ZNF350: variants seen among roughly 807,000 people sequenced by gnomAD.
The protein encoded by ZNF350 is KRAB zinc finger protein ZFQR.
Under a neutral mutation model 13.1 loss-of-function variants are expected in ZNF350, and 5 were observed. The observed-to-expected ratio is 0.38, with a 90% CI of 0.20 to 0.80. ZNF350 has a LOEUF of 0.80. Ranked by LOEUF, ZNF350 falls within the 30% of genes least tolerant of loss-of-function variation. ZNF350 has a pLI of 0.43. For missense variants in ZNF350, 534 were observed against 644.2 expected, an observed-to-expected ratio of 0.83 and a Z score of 1.85; for synonymous variants, 199 against 224.2, an observed-to-expected ratio of 0.89 and a Z score of 1.00.
chr19:51,974,702 C>T (rs1269529302), intron 1 of ZNF350, 171 bp from the exon 2 acceptor site: 1 of 199,802 alleles, frequency 5.0e-6, no homozygotes, highest in Non-Finnish European at 1.0e-5. Context: ...GTCTAGGATT[C>T]TTAATGTGGT....
In ZNF350 at chr19:51,969,825, T is replaced by G. The variant is rs139523330; in HGVS notation, c.16-694A>C. ...GCCTAAGCAACAGAGCAAGACTGTCTCTAATAAAATAAAATAAAATGGAAT... is the reference window on the plus strand; with the variant it reads ...GCCTAAGCAACAGAGCAAGACTGTCGCTAATAAAATAAAATAAAATGGAAT... On this transcript the variant is annotated intron_variant, in intron 2 of 4. Coordinates refer to ENST00000243644, the MANE Select transcript of ZNF350 (RefSeq NM_021632.4). Among the ~76,000 whole-genome samples, 232 of 152,260 alleles carry G rather than the reference T, an allele frequency of 1.5e-3. 2 individuals are homozygous for G. Among genetic ancestry groups the G allele is most frequent in the African/African-American group, 5.4e-3 (223 of 41,550 alleles).
rs753876989 is a variant in ZNF350, at chr19:51,965,942, G to A, written c.511C>T (p.Arg171Ter). ...GDSFLHANHERLHTAIKFPAS... is the reference protein window; with the variant it reads ...GDSFLHANHE Reference sequence around the variant, plus strand: ...GGGAATTTAATTGCAGTATGAAGTCGTTCATGGTTAGCATGAAGAAAGGAG... The same window carrying A: ...GGGAATTTAATTGCAGTATGAAGTCATTCATGGTTAGCATGAAGAAAGGAG... The change falls in exon 5 of 5, where the codon CGA becomes TGA. Residue 171 changes from arginine (R) to a stop codon, truncating the protein, a stop_gained. Transcript: ENST00000243644. LOFTEE classifies it low-confidence loss of function (END_TRUNC). 1.3e-5 allele frequency: 21 copies of A among 1,613,900 alleles called. No homozygotes were observed. The highest frequency in any genetic ancestry group is 8.0e-5 in the African/African-American group (6 of 74,924).
At chr19:51,980,696 A>G (rs1157745189) in intron 1 of ZNF350, among the ~76,000 whole-genome samples, 1 of 152,200 alleles carries the variant, frequency 6.6e-6, no homozygotes, top group East Asian at 1.9e-4. Context: ...GTGAAAGCCC[A>G]TTTGCAAGGA....
In ZNF350 at chr19:51,968,923, G is replaced by A. The variant is rs188830731; in HGVS notation, c.142+82C>T. ...GAATCTACCACTTCAGAGTACTGCA[G>A]GCATTCCAAAGAGGTAGGCATCTGA... On this transcript the variant is annotated intron_variant, in intron 3 of 4. Transcript: ENST00000243644. 18 of 1,612,398 alleles carry A rather than the reference G, an allele frequency of 1.1e-5. No homozygotes were observed. In the East Asian group the frequency reaches 2.0e-4, roughly 18 times the overall value.
Position 51,969,103 on chromosome 19 carries a change from A to G in ZNF350, c.44T>C (p.Val15Ala). The G allele has an allele frequency of 6.2e-7, 1 of 1,613,722 alleles. No individual in the cohort carries two copies. The highest frequency in any genetic ancestry group is 8.5e-7 in the Non-Finnish European group (1 of 1,179,922). ...TTGCCACTCCTCCCAAGTGAAGTCC[A>G]CAGCCACATCCTCCAGTGTTATGGA... ...QESITLEDVAVDFTWEEWQLL... is the reference protein window; with the variant it reads ...QESITLEDVAADFTWEEWQLL... Residue 15 changes from valine to alanine, a missense_variant, in exon 3 of 5, where the codon GTG (valine) becomes GCG (alanine). Physicochemically the swap from Val to Ala is moderately conservative, Grantham distance 64 (BLOSUM62 0). Transcript: ENST00000243644.
At chr19:51,978,595 A>G (rs528709527) in intron 1 of ZNF350, among the ~76,000 whole-genome samples, 1 of 152,286 alleles carries the variant, frequency 6.6e-6, no homozygotes, top group Non-Finnish European at 1.5e-5. Context: ...TTCCCAACCC[A>G]TAGCCTCTAA....
chr19:51,969,099 G>C lies in ZNF350; in HGVS notation c.48C>G (p.Asp16Glu). 6.2e-7 allele frequency: 1 copy of C among 1,614,064 alleles called. No homozygotes were observed. Among genetic ancestry groups the C allele is most frequent in the Middle Eastern group, 1.6e-4 (1 of 6,062 alleles). The change falls in exon 3 of 5, where the codon GAC (aspartate) becomes GAG (glutamate). Residue 16 changes from aspartate to glutamate, a missense_variant. By Grantham distance (45) the Asp-to-Glu change is conservative. Transcript: ENST00000243644. ...ESITLEDVAV[D>E]FTWEEWQLLG... Reference sequence around the variant, plus strand: ...GGAGTTGCCACTCCTCCCAAGTGAAGTCCACAGCCACATCCTCCAGTGTTA... The same window carrying C: ...GGAGTTGCCACTCCTCCCAAGTGAACTCCACAGCCACATCCTCCAGTGTTA...
intron 2 of ZNF350, among the ~76,000 whole-genome samples, chr19:51,972,612 T>C: frequency 6.6e-6 from 1 of 152,168 alleles, no homozygotes; most frequent in Non-Finnish European, 1.5e-5. Context: ...TTCTTTGAAA[T>C]ATGATTCTAT....
chr19:51,964,984 G>A lies in ZNF350; in HGVS notation c.1469C>T (p.Pro490Leu). 2 of 1,614,180 alleles carry A rather than the reference G, an allele frequency of 1.2e-6. No individual in the cohort carries two copies. Among genetic ancestry groups the A allele is most frequent in the Non-Finnish European group, 1.7e-6 (2 of 1,180,028 alleles). Residue 490 changes from proline to leucine, a missense_variant, in exon 5 of 5, where the codon CCA (proline) becomes CTA (leucine). Physicochemically the swap from Pro to Leu is moderately conservative, Grantham distance 98. Transcript: ENST00000243644. Reference sequence around the variant, plus strand: ...TCCTGAGGCTGCACATCTGACCACTGGCTGTCCCACAAGGACTACGTTCCT... The same window carrying A: ...TCCTGAGGCTGCACATCTGACCACTAGCTGTCCCACAAGGACTACGTTCCT... The part of the protein sequence containing the change: ...ANRNVVLVGQ[P>L]VVRCAASGDN...
chr19:51,968,491 T>G, intron 4 of ZNF350, 87 bp downstream of exon 4: 1 of 1,153,616 alleles, frequency 8.7e-7, no homozygotes, highest in Non-Finnish European at 1.3e-6. Context: ...TGTTTACATA[T>G]CCTCAAACCC....
At chr19:51,975,213 A>T (rs1005998410) in intron 1 of ZNF350, among the ~76,000 whole-genome samples, 3 of 152,336 alleles carry the variant, frequency 2.0e-5, no homozygotes, top group African/African-American at 7.2e-5. Context: ...TCACGCCTGT[A>T]ATCCCAGCAC....
At chr19:51,985,910 G>A (rs1358967739) in intron 1 of ZNF350, among the ~76,000 whole-genome samples, 1 of 152,180 alleles carries the variant, frequency 6.6e-6, no homozygotes, top group Non-Finnish European at 1.5e-5. Context: ...AGGAGGCTGA[G>A]GCAGGAGAAT....
intron 1 of ZNF350, chr19:51,981,073 G>A (rs1384874407): frequency 6.6e-6 from 1 of 152,174 alleles, no homozygotes; most frequent in African/African-American, 2.4e-5. Flanking sequence ...TCTGCTGGAG[G>A]CTATATGATC....
At chr19:51,966,894 G>A (rs542030804) in intron 4 of ZNF350, among the ~76,000 whole-genome samples, 2 of 152,148 alleles carry the variant, frequency 1.3e-5, no homozygotes, top group South Asian at 2.1e-4. Context: ...TGATCTGCCC[G>A]CTTCAGTCTC....
At chr19:51,977,930 ATGT>A (rs1223911254) in intron 1 of ZNF350, among the ~76,000 whole-genome samples, 1 of 152,234 alleles carries the variant, frequency 6.6e-6, no homozygotes, top group Non-Finnish European at 1.5e-5. Flanking sequence ...AAGTGGGAAA[ATGT>A]TGTAATTGTG....
At chr19:51,980,979 C>T (rs1042182083) in intron 1 of ZNF350, 18 of 152,290 alleles carry the variant, frequency 1.2e-4, no homozygotes, top group African/African-American at 2.9e-4. Context: ...CCCAGCCCAG[C>T]CTTACATTCT....
rs150778438 is a variant in ZNF350, at chr19:51,965,248, T to C, written c.1205A>G (p.Tyr402Cys). 44 of 1,614,074 alleles carry C rather than the reference T, an allele frequency of 2.7e-5. No individual in the cohort carries two copies. The highest frequency in any genetic ancestry group is 3.6e-5 in the Non-Finnish European group (42 of 1,180,038). ...CGCTTTCCCACACTCGTTACAGCCA[T>C]AGGGTCTCTCTCCTGTATGAGTCCT... is the stretch of plus-strand genomic sequence containing the variant. ...HQRTHTGERPYGCNECGKAFA... is the reference protein window; with the variant it reads ...HQRTHTGERPCGCNECGKAFA... The change falls in exon 5 of 5, where the codon TAT (tyrosine) becomes TGT (cysteine). Residue 402 changes from tyrosine to cysteine, a missense_variant. Physicochemically the swap from Tyr to Cys is radical, Grantham distance 194 (BLOSUM62 -2). Transcript: ENST00000243644.
At chr19:51,986,324 C>T (rs2086157762) in intron 1 of ZNF350, among the ~76,000 whole-genome samples, 1 of 152,144 alleles carries the variant, frequency 6.6e-6, no homozygotes, top group Admixed American at 6.5e-5. Context: ...CCTCACAAGC[C>T]TTTGTACCAC....
intron 1 of ZNF350, among the ~76,000 whole-genome samples, chr19:51,979,392 A>T (rs577698742): frequency 5.1e-4 from 78 of 152,286 alleles, no homozygotes; most frequent in Non-Finnish European, 9.6e-4. Context: ...AGTGGGCTCC[A>T]GGACCCCTAA....
Sources: allele counts gnomAD v4.1 joint callset (sites outside exome capture counted in the v4.1 genomes callset), GRCh38; gene constraint gnomAD v4.1.1; transcripts MANE v1.5; gene names NCBI Gene and HGNC (gene_info 2026-07-23, HGNC 2026-07-21).